The following TFEC variants were observed in gnomAD, a reference collection of about 807,000 sequenced individuals.
The protein encoded by TFEC is transcription factor EC.
In TFEC, 31 loss-of-function variants were observed where a neutral mutation model predicts 41.6. That is an observed-to-expected ratio of 0.74 (90% CI 0.56 to 1.01). The LOEUF is 1.01. Among genes scored for constraint, TFEC ranks in the 50% least tolerant of loss-of-function variants. The pLI, the probability that TFEC is intolerant of heterozygous loss-of-function variation, is 0.00. For missense variants in TFEC, 402 were observed against 404.1 expected (o/e 0.99, Z 0.04); for synonymous variants, 143 against 140.6 (o/e 1.02, Z -0.12).
At chr7:116,040,108 C>G (rs1488037882) in intron 3 of TFEC, among the ~76,000 whole-genome samples, 1 of 151,978 alleles carries the variant, frequency 6.6e-6, no homozygotes, top group Non-Finnish European at 1.5e-5. Flanking sequence ...TTAATGGTGT[C>G]CTGAAACCTT....
intron 3 of TFEC, among the ~76,000 whole-genome samples, chr7:116,037,212 T>C (rs1306830675): frequency 2.0e-5 from 3 of 152,038 alleles, no homozygotes; most frequent in Non-Finnish European, 2.9e-5. Flanking sequence ...GCACGGGATG[T>C]TGAGGGTCTT....
At chr7:116,157,756 C>G (rs926698503) in intron 1 of TFEC, among the ~76,000 whole-genome samples, 7 of 152,104 alleles carry the variant, frequency 4.6e-5, no homozygotes, top group Non-Finnish European at 8.8e-5. Context: ...TCCCCAAATT[C>G]AATGGTCCAG....
intron 1 of TFEC, among the ~76,000 whole-genome samples, chr7:115,995,204 G>C (rs1431652709): frequency 7.2e-6 from 1 of 138,230 alleles, no homozygotes; most frequent in Admixed American, 7.4e-5. Context: ...TCATGGGGTG[G>C]GGAGGGGGGA....
chr7:116,031,362 T>C (rs1173457217), upstream of TFEC, among the ~76,000 whole-genome samples: 1 of 152,146 alleles, frequency 6.6e-6, no homozygotes, highest in Non-Finnish European at 1.5e-5. Context: ...CTTTGTCTTA[T>C]AATTATTATT....
intron 3 of TFEC, among the ~76,000 whole-genome samples, chr7:116,083,327 C>T (rs1434924029): frequency 6.6e-6 from 1 of 151,500 alleles, no homozygotes; most frequent in Non-Finnish European, 1.5e-5. Context: ...ACATAAGAAC[C>T]AAACAAAAAT....
At chr7:116,139,427 A>C (rs1272907508) in intron 1 of TFEC, among the ~76,000 whole-genome samples, 1 of 152,084 alleles carries the variant, frequency 6.6e-6, no homozygotes, top group Admixed American at 6.6e-5. Context: ...CCTTTCAACA[A>C]ACCTTCTCCG....
At chr7:115,941,311 G>A (rs1196376574) in intron 7 of TFEC, 1 of 169,154 alleles carries the variant, frequency 5.9e-6, no homozygotes, top group Non-Finnish European at 1.3e-5. Context: ...GTTTTACCTG[G>A]TGCTAAGCAT....
intron 1 of TFEC, among the ~76,000 whole-genome samples, chr7:115,994,433 G>A (rs1451317500): frequency 6.6e-6 from 1 of 152,136 alleles, no homozygotes; most frequent in East Asian, 1.9e-4. Flanking sequence ...TACAGAATGG[G>A]AGAAAATTTT....
At chr7:116,026,370 A>G (rs894848943) in intron 1 of TFEC, among the ~76,000 whole-genome samples, 1 of 152,176 alleles carries the variant, frequency 6.6e-6, no homozygotes, top group African/African-American at 2.4e-5. Flanking sequence ...TAATTCATAT[A>G]TACTTTCATT....
Position 116,036,540 on chromosome 7 carries a change from T to C in TFEC, c.199-52027A>G, listed in dbSNP as rs1281462645. ...GTCTTGTCACATAGTAGAGAGTATATATTAAACACTATGCCTTAATGTTCT... is the reference window on the plus strand; with the variant it reads ...GTCTTGTCACATAGTAGAGAGTATACATTAAACACTATGCCTTAATGTTCT... On this transcript the variant is annotated intron_variant, in intron 3 of 8. Transcript: ENST00000484212. 2.0e-5 allele frequency among the ~76,000 whole-genome samples: 3 copies of C among 152,108 alleles called. No individual in the cohort carries two copies. The East Asian group carries it at 5.8e-4, about 29-fold the overall frequency.
intron 3 of TFEC, among the ~76,000 whole-genome samples, chr7:116,101,329 A>G (rs1346355088): frequency 6.6e-6 from 1 of 152,134 alleles, no homozygotes; most frequent in Non-Finnish European, 1.5e-5. Flanking sequence ...AGTCCTTTTA[A>G]AATATCAATA....
chr7:116,064,871 A>C (rs891298927), intron 3 of TFEC, among the ~76,000 whole-genome samples: 1 of 152,126 alleles, frequency 6.6e-6, no homozygotes, highest in African/African-American at 2.4e-5. Context: ...TAAGATGAGA[A>C]CTGAAATGTT....
At position 115,969,032 on chromosome 7, in the gene TFEC, G is replaced by A. The variant is rs117271252; in HGVS notation, c.267+5138C>T. 6.9e-4 allele frequency among the ~76,000 whole-genome samples: 105 copies of A among 151,662 alleles called. 1 individual carries two copies. The highest frequency in any genetic ancestry group is 1.1e-3 in the Non-Finnish European group (76 of 67,828). On this transcript the variant is annotated intron_variant, in intron 3 of 7. Transcript: ENST00000265440. ...TATTATTGTTGTCTTTATTCTTGTT[G>A]CAGTAGTACCATGCTACTGCAACAA...
chr7:115,959,679 G>A (rs1584588020), intron 3 of TFEC, among the ~76,000 whole-genome samples: 1 of 151,464 alleles, frequency 6.6e-6, no homozygotes, highest in Non-Finnish European at 1.5e-5. Context: ...TGAGAGATAT[G>A]AGAAATAGAA....
At chr7:116,129,680 C>T (rs1490432170) in intron 1 of TFEC, among the ~76,000 whole-genome samples, 1 of 148,818 alleles carries the variant, frequency 6.7e-6, no homozygotes, top group African/African-American at 2.5e-5. Flanking sequence ...GCAACCTCTG[C>T]CTCCCAGGTT....
At chr7:116,058,777 T>C (rs537566738) in intron 3 of TFEC, among the ~76,000 whole-genome samples, 10 of 151,914 alleles carry the variant, frequency 6.6e-5, no homozygotes, top group African/African-American at 2.2e-4. Context: ...TAATATAATA[T>C]ACTTTAAAAT....
chr7:116,088,759 C>T (rs986732781), intron 3 of TFEC, among the ~76,000 whole-genome samples: 2 of 151,854 alleles, frequency 1.3e-5, no homozygotes, highest in Non-Finnish European at 2.9e-5. Flanking sequence ...TTCCTGATAA[C>T]TGAAATATAT....
intron 3 of TFEC, among the ~76,000 whole-genome samples, chr7:115,964,568 A>T (rs1418254840): frequency 6.6e-6 from 1 of 151,626 alleles, no homozygotes; most frequent in Non-Finnish European, 1.5e-5. Context: ...TTAAAAGAGA[A>T]AAAGAATCTA....
At chr7:115,990,686 G>C (rs971096755) in intron 1 of TFEC, among the ~76,000 whole-genome samples, 1 of 152,090 alleles carries the variant, frequency 6.6e-6, no homozygotes, top group African/African-American at 2.4e-5. Flanking sequence ...TTAGAAAAAA[G>C]AGTAAAAAGA....
Sources: gnomAD v4.1 joint callset for allele counts (sites outside exome capture counted in the v4.1 genomes callset) on GRCh38, gnomAD v4.1.1 for gene constraint, MANE v1.5 for transcripts, NCBI Gene and HGNC (gene_info 2026-07-23, HGNC 2026-07-21) for gene names.